HEMK2: variants seen among roughly 807,000 people sequenced by gnomAD.
The protein encoded by HEMK2 is methyltransferase HEMK2.
chr21:28,758,912 C>A, the HEMK2 span, among the ~76,000 whole-genome samples: 1 of 152,184 alleles, frequency 6.6e-6, no homozygotes. Context: ...CCTGCTGCGG[C>A]CCCTCTCCAG....
At chr21:28,829,987 A>G in the HEMK2 span, among the ~76,000 whole-genome samples, 1 of 152,206 alleles carries the variant, frequency 6.6e-6, no homozygotes, top group Admixed American at 6.5e-5. Flanking sequence ...GTCTGCTCCC[A>G]GTCAGAGAAG....
the HEMK2 span, among the ~76,000 whole-genome samples, chr21:28,749,276 T>C: frequency 6.6e-6 from 1 of 152,212 alleles, no homozygotes; most frequent in Non-Finnish European, 1.5e-5. Flanking sequence ...GTCTTTATAA[T>C]CCTAATAGCA....
the HEMK2 span, among the ~76,000 whole-genome samples, chr21:28,775,540 G>C: frequency 6.6e-6 from 1 of 152,120 alleles, no homozygotes; most frequent in African/African-American, 2.4e-5. Context: ...TAGATTGATA[G>C]AAAGAATGTA....
the HEMK2 span, among the ~76,000 whole-genome samples, chr21:28,615,695 C>T: frequency 6.6e-6 from 1 of 152,140 alleles, no homozygotes; most frequent in East Asian, 1.9e-4. Flanking sequence ...TACTGGAAAA[C>T]CCAAAGTGAA....
At chr21:28,705,592 C>CA in the HEMK2 span, among the ~76,000 whole-genome samples, 1 of 152,162 alleles carries the variant, frequency 6.6e-6, no homozygotes, top group African/African-American at 2.4e-5. Flanking sequence ...TGTCCAACTT[C>CA]AAAGACTCTG....
chr21:28,614,449 C>G, the HEMK2 span, among the ~76,000 whole-genome samples: 3 of 151,764 alleles, frequency 2.0e-5, no homozygotes, highest in Non-Finnish European at 4.4e-5. Context: ...GTCCATCAGA[C>G]ATTTTGCAAT....
the HEMK2 span, among the ~76,000 whole-genome samples, chr21:28,736,617 T>A: frequency 3.3e-5 from 5 of 152,192 alleles, no homozygotes; most frequent in Non-Finnish European, 7.4e-5. Context: ...ATAGAAAAAT[T>A]AGCTGGGCAT....
chr21:28,824,470 G>C, the HEMK2 span, among the ~76,000 whole-genome samples: 1 of 152,276 alleles, frequency 6.6e-6, no homozygotes, highest in East Asian at 1.9e-4. Flanking sequence ...GCAAGAAACA[G>C]TTTTTACAGA....
chr21:28,681,439 G>A, the HEMK2 span, among the ~76,000 whole-genome samples: 1 of 151,934 alleles, frequency 6.6e-6, no homozygotes, highest in South Asian at 2.1e-4. Context: ...ATGCTCATGG[G>A]TAGGAAGAAT....
chr21:28,855,744 A>G, the HEMK2 span, among the ~76,000 whole-genome samples: 4 of 152,254 alleles, frequency 2.6e-5, no homozygotes, highest in Non-Finnish European at 5.9e-5. Context: ...TGGAAATTAA[A>G]CAATCTGCTT....
the HEMK2 span, among the ~76,000 whole-genome samples, chr21:28,730,395 C>CAGACACACACAG: frequency 1.4e-5 from 2 of 142,832 alleles, no homozygotes; most frequent in East Asian, 4.6e-4. Context: ...CACACACACA[C>CAGACACACACAG]ACACACACAC....
chr21:28,856,970 C>T, the HEMK2 span, among the ~76,000 whole-genome samples: 2 of 152,146 alleles, frequency 1.3e-5, no homozygotes, highest in Admixed American at 1.3e-4. Flanking sequence ...GTGGCTGAAG[C>T]CAGGGAGCCA....
the HEMK2 span, among the ~76,000 whole-genome samples, chr21:28,757,683 A>T: frequency 6.6e-6 from 1 of 152,230 alleles, no homozygotes; most frequent in African/African-American, 2.4e-5. Flanking sequence ...AGAATTCCCT[A>T]AAGACTGCAG....
At chr21:28,644,616 G>A in the HEMK2 span, among the ~76,000 whole-genome samples, 1 of 152,286 alleles carries the variant, frequency 6.6e-6, no homozygotes, top group Non-Finnish European at 1.5e-5. Context: ...GCTAATAACT[G>A]AGGAAATAAC....
the HEMK2 span, among the ~76,000 whole-genome samples, chr21:28,866,175 A>AAAAAAAAAAAAACAC: frequency 7.9e-5 from 6 of 76,234 alleles, 1 homozygote; most frequent in African/African-American, 3.1e-4. Context: ...CAAAAAAAAA[A>AAAAAAAAAAAAACAC]ACACACACAC....
At chr21:28,736,680 G>A in the HEMK2 span, among the ~76,000 whole-genome samples, 9 of 152,150 alleles carry the variant, frequency 5.9e-5, no homozygotes, top group South Asian at 4.2e-4. Context: ...CAGAAGAATC[G>A]CCTGCACCTG....
At chr21:28,788,540 G>A in the HEMK2 span, among the ~76,000 whole-genome samples, 239 of 152,068 alleles carry the variant, frequency 1.6e-3, 1 homozygote, top group African/African-American at 5.7e-3. Flanking sequence ...ATCGGAGAGG[G>A]GCAAGGGATA....
chr21:28,623,604 A>G, the HEMK2 span, among the ~76,000 whole-genome samples: 1 of 152,244 alleles, frequency 6.6e-6, no homozygotes, highest in Non-Finnish European at 1.5e-5. Context: ...TCAGTGATGG[A>G]CTGGATAAAG....
chr21:28,801,783 T>A, the HEMK2 span, among the ~76,000 whole-genome samples: 1 of 152,120 alleles, frequency 6.6e-6, no homozygotes, highest in African/African-American at 2.4e-5. Flanking sequence ...CAAATAGCTA[T>A]GAAACATACG....
Sources: allele counts gnomAD v4.1 joint callset (sites outside exome capture counted in the v4.1 genomes callset), GRCh38; gene constraint gnomAD v4.1.1; transcripts MANE v1.5; gene names NCBI Gene and HGNC (gene_info 2026-07-23, HGNC 2026-07-21).